The following CDH4 variants were observed in gnomAD, a reference collection of about 807,000 sequenced individuals.
CDH4 encodes cadherin 4, also known as cadherin-4.
CDH4 carries 33 observed loss-of-function variants against 86.0 expected under a neutral mutation model. The observed-to-expected ratio is 0.38, with a 90% CI of 0.29 to 0.51. The LOEUF (loss-of-function observed/expected upper bound fraction) is 0.51. Among genes scored for constraint, CDH4 ranks in the 20% least tolerant of loss-of-function variants. The pLI is 0.86. For synonymous variants in CDH4, 555 were observed against 549.4 expected (o/e 1.01, Z -0.14); for missense variants, 1,114 against 1,307.4 (o/e 0.85, Z 2.28).
At chr20:61,632,654 A>G (rs1282552873) in intron 2 of CDH4, among the ~76,000 whole-genome samples, 2 of 141,576 alleles carry the variant, frequency 1.4e-5, no homozygotes, top group African/African-American at 2.7e-5. Flanking sequence ...CTCTCTTTCC[A>G]TCTCCCCACA....
intron 2 of CDH4, among the ~76,000 whole-genome samples, chr20:61,715,796 T>A (rs1323397350): frequency 6.6e-6 from 1 of 152,116 alleles, no homozygotes; most frequent in Non-Finnish European, 1.5e-5. Flanking sequence ...GCAATGCTCA[T>A]CTAACATGCA....
intron 2 of CDH4, among the ~76,000 whole-genome samples, chr20:61,507,875 G>T (rs916412341): frequency 6.6e-6 from 1 of 152,218 alleles, no homozygotes; most frequent in Non-Finnish European, 1.5e-5. Context: ...GGATCGCTCT[G>T]TGTTATCTTT....
At chr20:61,815,688 C>T (rs1205196559) in intron 4 of CDH4, among the ~76,000 whole-genome samples, 1 of 152,202 alleles carries the variant, frequency 6.6e-6, no homozygotes, top group Non-Finnish European at 1.5e-5. Flanking sequence ...ATTGTGCTTT[C>T]GACGCCCGGA....
chr20:61,343,031 C>G (rs969406672), intron 2 of CDH4, among the ~76,000 whole-genome samples: 1 of 152,200 alleles, frequency 6.6e-6, no homozygotes, highest in Non-Finnish European at 1.5e-5. Context: ...GACTTTTCCC[C>G]TGACCCTCAC....
intron 4 of CDH4, among the ~76,000 whole-genome samples, chr20:61,830,270 C>T (rs754328643): frequency 2.0e-5 from 3 of 152,132 alleles, no homozygotes; most frequent in African/African-American, 2.4e-5. Flanking sequence ...CTGCGCAGCA[C>T]GGCACATCCT....
Position 61,829,712 on chromosome 20 carries a change from C to T in CDH4, c.577-14956C>T, listed in dbSNP as rs149520198. Among the ~76,000 whole-genome samples, 142 of 152,280 alleles carry T rather than the reference C, an allele frequency of 9.3e-4. No individual in the cohort carries two copies. The highest frequency in any genetic ancestry group is 3.2e-3 in the African/African-American group (134 of 41,556). ...AGCCCCCAGGAGGCTCCCTCTGTGC[C>T]GACGCCCGTGGGCTGCAGACGGGTG... On this transcript the variant is annotated intron_variant, in intron 4 of 15. Coordinates refer to ENST00000614565, the MANE Select transcript of CDH4 (RefSeq NM_001794.5). The surrounding 1 kb of genome is among the most constrained non-coding windows in gnomAD (Gnocchi z 4.2).
At chr20:61,566,441 T>G (rs2086298466) in intron 2 of CDH4, among the ~76,000 whole-genome samples, 1 of 152,170 alleles carries the variant, frequency 6.6e-6, no homozygotes, top group Non-Finnish European at 1.5e-5. Context: ...TCCACCTATT[T>G]ACCACGAGCC....
intron 2 of CDH4, among the ~76,000 whole-genome samples, chr20:61,539,390 T>C (rs1244270777): frequency 5.3e-5 from 8 of 152,146 alleles, no homozygotes; most frequent in Non-Finnish European, 1.2e-4. Context: ...AAGACTAAGG[T>C]GTGGGAAGAG....
chr20:61,832,155 G>A (rs931509428), intron 4 of CDH4, among the ~76,000 whole-genome samples: 9 of 152,206 alleles, frequency 5.9e-5, no homozygotes, highest in East Asian at 1.9e-4. Context: ...GACATTTGAC[G>A]GAGCTGTCTG....
intron 2 of CDH4, among the ~76,000 whole-genome samples, chr20:61,542,641 C>T (rs1427820383): frequency 6.6e-6 from 1 of 152,194 alleles, no homozygotes; most frequent in Admixed American, 6.5e-5. Flanking sequence ...AAGCCCCTAA[C>T]AGCCAAGTAA....
intron 4 of CDH4, among the ~76,000 whole-genome samples, chr20:61,803,266 G>A (rs1223033084): frequency 6.6e-6 from 1 of 152,136 alleles, no homozygotes; most frequent in African/African-American, 2.4e-5. Flanking sequence ...GGCACAATCC[G>A]CCCGGGCTGG....
chr20:61,912,961 T>C (rs1384216365), intron 9 of CDH4, among the ~76,000 whole-genome samples: 2 of 152,174 alleles, frequency 1.3e-5, no homozygotes, highest in Admixed American at 1.3e-4. Flanking sequence ...TGATGGAGAC[T>C]GGATGTGACA....
At chr20:61,692,616 G>T (rs946456862) in intron 2 of CDH4, among the ~76,000 whole-genome samples, 2 of 152,188 alleles carry the variant, frequency 1.3e-5, no homozygotes, top group African/African-American at 4.8e-5. Flanking sequence ...AATTTTCTCA[G>T]ATCTGTGTCC....
At chr20:61,791,630 C>T (rs894355542) in intron 4 of CDH4, among the ~76,000 whole-genome samples, 6 of 152,158 alleles carry the variant, frequency 3.9e-5, no homozygotes, top group Non-Finnish European at 8.8e-5. Flanking sequence ...ACTGTTAGAA[C>T]ACGGAAGGAA....
intron 2 of CDH4, among the ~76,000 whole-genome samples, chr20:61,641,899 A>G (rs1461070910): frequency 2.6e-4 from 2 of 7,838 alleles, no homozygotes; most frequent in Non-Finnish European, 5.5e-4. Context: ...GCACCACAGC[A>G]CCCAGGACAC....
chr20:61,746,720 G>C (rs1159909765), intron 3 of CDH4, among the ~76,000 whole-genome samples: 2 of 152,228 alleles, frequency 1.3e-5, no homozygotes, highest in Non-Finnish European at 2.9e-5. Flanking sequence ...CCAGCCAAAG[G>C]GTGCTGGTAT....
At chr20:61,347,793 A>T (rs1302774550) in intron 2 of CDH4, among the ~76,000 whole-genome samples, 1 of 152,226 alleles carries the variant, frequency 6.6e-6, no homozygotes, top group Non-Finnish European at 1.5e-5. Context: ...GGCACGGGAC[A>T]TTGGTCTCTT....
intron 2 of CDH4, among the ~76,000 whole-genome samples, chr20:61,712,435 C>T (rs1190460858): frequency 6.6e-6 from 1 of 152,156 alleles, no homozygotes; most frequent in East Asian, 1.9e-4. Flanking sequence ...AGAGAGGACA[C>T]TTAGCCACTG....
At chr20:61,590,818 G>A (rs2086512957) in intron 2 of CDH4, among the ~76,000 whole-genome samples, 1 of 146,606 alleles carries the variant, frequency 6.8e-6, no homozygotes, top group African/African-American at 2.5e-5. Context: ...CTTTTAAAGT[G>A]GGCACTCTAA....
Sources: allele counts gnomAD v4.1 joint callset (sites outside exome capture counted in the v4.1 genomes callset), GRCh38; gene constraint gnomAD v4.1.1; non-coding constraint Gnocchi (gnomAD v3.1); transcripts MANE v1.5; gene names NCBI Gene and HGNC (gene_info 2026-07-23, HGNC 2026-07-21).